Variants in ASCC2 observed in about 807,000 individuals in gnomAD.
The protein encoded by ASCC2 is ASC-1 complex subunit P100.
ASCC2 carries 42 observed loss-of-function variants against 93.5 expected under a neutral mutation model. The ratio of observed to expected loss-of-function variants is 0.45; its 90% confidence interval spans 0.35 to 0.58. The LOEUF (loss-of-function observed/expected upper bound fraction) is 0.58. ASCC2 is among the 20% of genes least tolerant of loss of function. The pLI, the probability that ASCC2 is intolerant of heterozygous loss-of-function variation, is 0.00. For missense variants in ASCC2, 859 were observed against 977.6 expected (o/e 0.88, Z 1.62); for synonymous variants, 364 against 384.2 (o/e 0.95, Z 0.62).
At position 29,793,593 on chromosome 22, in the gene ASCC2, C is replaced by T. The variant is rs2058052961; in HGVS notation, c.1772G>A (p.Ser591Asn). 2.5e-6 allele frequency: 4 copies of T among 1,612,062 alleles called. No individual in the cohort carries two copies. The highest frequency in any genetic ancestry group is 3.4e-6 in the Non-Finnish European group (4 of 1,179,366). Residue 591 changes from serine (S) to asparagine (N), a missense_variant, in exon 16 of 20, where the codon AGC becomes AAC. By Grantham distance (46) the Ser-to-Asn change is conservative. Transcript: ENST00000307790. ...AAQRQRYEQYSVVVEEVPLQP... is the reference protein window; with the variant it reads ...AAQRQRYEQYNVVVEEVPLQP... ...GTGGCCTACCTCCTCCACCACCACGCTGTACTGCTCGTAGCGCTGCCGCTG... is the reference window on the plus strand; with the variant it reads ...GTGGCCTACCTCCTCCACCACCACGTTGTACTGCTCGTAGCGCTGCCGCTG...
chr22:29,814,743 A>T lies in ASCC2; in HGVS notation c.634T>A (p.Cys212Ser). Residue 212 changes from cysteine (C) to serine (S), a missense_variant, in exon 7 of 20, where the codon TGT becomes AGT. Cys to Ser is a moderately radical substitution (Grantham distance 112, BLOSUM62 -1). Transcript: ENST00000307790. ...LQVFSNILQH[C>S]GLQGDGANTT... The stretch of plus-strand genomic sequence containing the variant: ...TTGGCCCCGTCCCCTTGCAAACCAC[A>T]GTGCTGGAGGATATTGCTGAAGACC... 6.2e-7 allele frequency: 1 copy of T among 1,609,898 alleles called. No individual in the cohort carries two copies. The highest frequency in any genetic ancestry group is 8.5e-7 in the Non-Finnish European group (1 of 1,178,260).
rs555987453 is a variant in ASCC2 at position 29,794,176 on chromosome 22, C to T, written c.1689-500G>A. ...CTGGGATTACAGGTGTGAGCCGCTG[C>T]GCCCGGCCAAGAGCCACTGTTAAAA... On this transcript the variant is annotated intron_variant, in intron 15 of 19. Transcript: ENST00000307790. Among the ~76,000 whole-genome samples, 27 of 151,058 alleles carry T rather than the reference C, an allele frequency of 1.8e-4. No homozygotes were observed. The South Asian group carries it at 5.3e-3, about 29-fold the overall frequency.
In ASCC2 at chr22:29,802,037, G is replaced by A. The variant is rs143964745; in HGVS notation, c.1525C>T (p.Arg509Trp). ...EQVINNILEE[R>W]LAPTLSQLDR... ...AGCTGGCTGAGGGTGGGGGCCAGCC[G>A]CTCCTCCAGGATATTGTTGATCACC... Residue 509 changes from arginine to tryptophan, a missense_variant, in exon 14 of 20, where the codon CGG becomes TGG. Physicochemically the swap from Arg to Trp is moderately radical, Grantham distance 101. Transcript: ENST00000307790. The A allele has an allele frequency of 4.0e-5, 64 of 1,611,730 alleles. No homozygotes were observed. In the Middle Eastern group the frequency reaches 4.9e-4, roughly 12 times the overall value.
chr22:29,827,407 A>T (rs1246579584), intron 2 of ASCC2: 1 of 332,426 alleles, frequency 3.0e-6, no homozygotes, highest in African/African-American at 2.2e-5. Context: ...GATCCAGGGG[A>T]TATAGAAAAA....
At chr22:29,817,359 A>G (rs2060985899) in intron 5 of ASCC2, among the ~76,000 whole-genome samples, 2 of 152,124 alleles carry the variant, frequency 1.3e-5, no homozygotes, top group African/African-American at 4.8e-5. Flanking sequence ...ACCATGGCAC[A>G]AAAGGCCCTG....
At chr22:29,813,358 A>T in intron 8 of ASCC2, 72 bp downstream of exon 8, 1 of 1,125,736 alleles carries the variant, frequency 8.9e-7, no homozygotes. Context: ...ATATTTGTTA[A>T]ATGAGTAAAT....
At chr22:29,822,511 C>A in intron 4 of ASCC2, 47 bp from the exon 5 acceptor site, 1 of 1,603,182 alleles carries the variant, frequency 6.2e-7, no homozygotes, top group South Asian at 1.1e-5. Flanking sequence ...CTGAACACTC[C>A]TACATTATAA....
chr22:29,796,051 A>G (rs1393782795), intron 15 of ASCC2, among the ~76,000 whole-genome samples: 4 of 151,866 alleles, frequency 2.6e-5, no homozygotes, highest in Non-Finnish European at 5.9e-5. Flanking sequence ...TCTGCCTGGC[A>G]GCCAGGGCAG....
chr22:29,836,276 T>C (rs28547986), intron 1 of ASCC2, among the ~76,000 whole-genome samples: 3 of 140,382 alleles, frequency 2.1e-5, no homozygotes, highest in African/African-American at 8.0e-5. Context: ...AGGACCAGTT[T>C]AAAAAGAGCC....
intron 19 of ASCC2, 90 bp downstream of exon 19, chr22:29,790,379 G>C (rs907991264): frequency 8.7e-6 from 11 of 1,262,510 alleles, no homozygotes; most frequent in Non-Finnish European, 1.3e-5. Flanking sequence ...GGAGCACTTA[G>C]GGTGTACGTG....
intron 7 of ASCC2, among the ~76,000 whole-genome samples, chr22:29,813,852 G>C (rs192526254): frequency 6.6e-6 from 1 of 152,316 alleles, no homozygotes; most frequent in Non-Finnish European, 1.5e-5. Context: ...ACCAACTCTT[G>C]AATCTGAAGA....
intron 7 of ASCC2, among the ~76,000 whole-genome samples, chr22:29,813,910 C>T (rs1378749021): frequency 6.6e-6 from 1 of 152,186 alleles, no homozygotes; most frequent in African/African-American, 2.4e-5. Flanking sequence ...ATATTAAGTC[C>T]ATAGGTTTTT....
intron 15 of ASCC2, among the ~76,000 whole-genome samples, chr22:29,794,473 C>T (rs1313072462): frequency 6.6e-6 from 1 of 151,992 alleles, no homozygotes; most frequent in African/African-American, 2.4e-5. Context: ...GCCTGGGCGA[C>T]AGTGCAAGAC....
rs2059038020 is a variant in ASCC2 at position 29,801,197 on chromosome 22, A to T, written c.1569-87T>A. 8 of 1,460,218 alleles carry T rather than the reference A, an allele frequency of 5.5e-6. No individual in the cohort carries two copies. The South Asian group carries it at 1.1e-4, about 20-fold the overall frequency. The allele number at this position is 1,460,218 out of a possible 1,614,324, so 90.5% of individuals were successfully genotyped here. A position where few individuals can be genotyped will look rare whatever the true frequency, so the allele number is the denominator to read the frequency against. ...CACTTCCCCCTGCTGTATTAAATCC[A>T]TCGGATTTTTCAGTTCCCTTCAACA... On this transcript the variant is annotated intron_variant, in intron 14 of 19. Transcript: ENST00000307790.
At chr22:29,790,405 G>GT in intron 19 of ASCC2, 64 bp downstream of exon 19, 2 of 1,562,388 alleles carry the variant, frequency 1.3e-6, no homozygotes. Context: ...TTCCTGGGTG[G>GT]CTGGCTAGGC....
At chr22:29,805,931 C>T (rs888350351) in intron 12 of ASCC2, among the ~76,000 whole-genome samples, 1 of 151,950 alleles carries the variant, frequency 6.6e-6, no homozygotes, top group African/African-American at 2.4e-5. Context: ...GTCCACCTCC[C>T]CTCCTGCTGT....
chr22:29,827,932 G>C (rs1460050590), intron 2 of ASCC2, among the ~76,000 whole-genome samples: 1 of 92,426 alleles, frequency 1.1e-5, no homozygotes, highest in Admixed American at 1.1e-4. Context: ...ACACACACCA[G>C]GCTACTCATT....
chr22:29,819,215 C>T (rs1234361911), intron 5 of ASCC2, among the ~76,000 whole-genome samples: 1 of 152,130 alleles, frequency 6.6e-6, no homozygotes, highest in African/African-American at 2.4e-5. Context: ...GGCTGGAGTG[C>T]AATGGCACAA....
At chr22:29,804,931 G>T in intron 12 of ASCC2, 101 bp from the exon 13 acceptor site, 2 of 1,312,218 alleles carry the variant, frequency 1.5e-6, no homozygotes, top group South Asian at 2.7e-5. Flanking sequence ...TCCTGCCAGG[G>T]GCTTTCTGGG....
Sources: allele counts gnomAD v4.1 joint callset (sites outside exome capture counted in the v4.1 genomes callset), GRCh38; gene constraint gnomAD v4.1.1; transcripts MANE v1.5; gene names NCBI Gene and HGNC (gene_info 2026-07-23, HGNC 2026-07-21).